The following NR3C1 variants were observed in gnomAD, a reference collection of about 807,000 sequenced individuals.
NR3C1 encodes glucocorticoid receptor.
Under a neutral mutation model 74.0 loss-of-function variants are expected in NR3C1, and 14 were observed. The observed-to-expected ratio is 0.19, with a 90% CI of 0.12 to 0.30. The LOEUF is 0.30. Ranked by LOEUF, NR3C1 falls within the 10% of genes least tolerant of loss-of-function variation. NR3C1 has a pLI of 1.00. For synonymous variants in NR3C1, 308 were observed against 332.5 expected, an observed-to-expected ratio of 0.93 and a Z score of 0.80; for missense variants, 695 against 909.8, an observed-to-expected ratio of 0.76 and a Z score of 3.04.
chr5:143,306,424 C>G (rs1819605228), intron 4 of NR3C1, among the ~76,000 whole-genome samples: 1 of 152,188 alleles, frequency 6.6e-6, no homozygotes, highest in South Asian at 2.1e-4. Context: ...GCCAAAGATT[C>G]CTGGCATACG....
In NR3C1 at chr5:143,403,576, A is replaced by G; in HGVS notation, c.-379T>C. ...GACTCGGGCTCCCGTCACAGACACG[A>G]GCTCGCAAAATGGAGGAGGCGGCGG... On this transcript the variant is annotated 5_prime_UTR_variant, in exon 1 of 9. Coordinates refer to ENST00000394464, the MANE Select transcript of NR3C1 (RefSeq NM_000176.3). The G allele has an allele frequency of 1.0e-6, 1 of 986,062 alleles. No homozygotes were observed. The highest frequency in any genetic ancestry group is 1.2e-6 in the Non-Finnish European group (1 of 830,530). 61.1% of individuals were successfully genotyped at this position (986,062 alleles called of 1,614,324 possible).
chr5:143,417,711 C>A (rs1561812803), intron 1 of NR3C1, among the ~76,000 whole-genome samples: 1 of 152,146 alleles, frequency 6.6e-6, no homozygotes, highest in South Asian at 2.1e-4. Flanking sequence ...AATACACTAA[C>A]TTCCTTCAAA....
rs564373098 is a variant in NR3C1 at position 143,297,723 on chromosome 5, G to A, written c.1892+945C>T. ...ATTGTACTAATAGCAATAAGCTAGG[G>A]GTACGAAAAGTAGTAATACAAGGTA... On this transcript the variant is annotated intron_variant, in intron 6 of 8. Transcript: ENST00000394464. 5.3e-5 allele frequency among the ~76,000 whole-genome samples: 8 copies of A among 152,284 alleles called. No individual in the cohort carries two copies. In the South Asian group the frequency reaches 1.7e-3, roughly 32 times the overall value.
At chr5:143,342,443 C>T (rs1298908119) in intron 2 of NR3C1, among the ~76,000 whole-genome samples, 1 of 152,184 alleles carries the variant, frequency 6.6e-6, no homozygotes, top group Non-Finnish European at 1.5e-5. Flanking sequence ...TCTCAGACCT[C>T]CAGGGGAGGA....
intron 2 of NR3C1, among the ~76,000 whole-genome samples, chr5:143,360,039 G>A (rs1004085727): frequency 1.8e-4 from 27 of 152,324 alleles, no homozygotes; most frequent in African/African-American, 6.3e-4. Context: ...TATAGGAAAT[G>A]CATGTGCAAA....
At chr5:143,324,993 T>A (rs1824249027) in intron 2 of NR3C1, among the ~76,000 whole-genome samples, 1 of 152,220 alleles carries the variant, frequency 6.6e-6, no homozygotes. Flanking sequence ...AGCATGTTGG[T>A]CAAAGCCATT....
At chr5:143,313,721 A>T (rs1375460498) in intron 3 of NR3C1, among the ~76,000 whole-genome samples, 1 of 152,202 alleles carries the variant, frequency 6.6e-6, no homozygotes, top group Non-Finnish European at 1.5e-5. Context: ...CAAACTTAAC[A>T]CCATCATTTC....
At chr5:143,380,004 A>C (rs1386672369) in intron 2 of NR3C1, among the ~76,000 whole-genome samples, 3 of 152,218 alleles carry the variant, frequency 2.0e-5, no homozygotes, top group Non-Finnish European at 2.9e-5. Flanking sequence ...TTCCTATCTT[A>C]TGTAATATCT....
Position 143,378,994 on chromosome 5 carries a change from G to A in NR3C1, c.1184+20662C>T, listed in dbSNP as rs577068018. On this transcript the variant is annotated intron_variant, in intron 2 of 8. Transcript: ENST00000394464. ...TCTAATGTTACACCTCTCAACCCAT[G>A]AATCACAGGGAATCCTACCCCAAGG... Among the ~76,000 whole-genome samples the A allele has an allele frequency of 4.6e-5, 7 of 152,158 alleles. No individual in the cohort carries two copies. The East Asian group carries it at 7.7e-4, about 17-fold the overall frequency.
intron 4 of NR3C1, among the ~76,000 whole-genome samples, chr5:143,305,160 G>T (rs1819307681): frequency 6.6e-6 from 1 of 152,052 alleles, no homozygotes; most frequent in South Asian, 2.1e-4. Context: ...AGTTTATATG[G>T]AACTTAAATT....
At chr5:143,331,323 C>T (rs189655220) in intron 2 of NR3C1, among the ~76,000 whole-genome samples, 117 of 152,326 alleles carry the variant, frequency 7.7e-4, no homozygotes, top group Middle Eastern at 6.8e-3. Context: ...AATGCTTATA[C>T]ACTCCTGGTG....
chr5:143,308,721 C>T (rs1820198620), intron 4 of NR3C1, among the ~76,000 whole-genome samples: 1 of 152,194 alleles, frequency 6.6e-6, no homozygotes, highest in East Asian at 1.9e-4. Flanking sequence ...TGACCTTCCT[C>T]TTGTTCCTGT....
intron 2 of NR3C1, among the ~76,000 whole-genome samples, chr5:143,342,668 G>A (rs1377908511): frequency 3.3e-5 from 5 of 152,122 alleles, no homozygotes; most frequent in Non-Finnish European, 7.4e-5. Context: ...AGGAAGCATC[G>A]AAAAATGATC....
At chr5:143,311,549 A>T (rs1177779306) in intron 3 of NR3C1, among the ~76,000 whole-genome samples, 1 of 152,226 alleles carries the variant, frequency 6.6e-6, no homozygotes, top group Non-Finnish European at 1.5e-5. Flanking sequence ...CCTTATCTAT[A>T]AAATGAGGAG....
upstream of NR3C1, chr5:143,405,002 T>C (rs1841008562): frequency 6.1e-6 from 3 of 489,314 alleles, no homozygotes; most frequent in Non-Finnish European, 8.0e-6. Flanking sequence ...TCCCCCTCAG[T>C]CCAAGGGGAA....
intron 4 of NR3C1, among the ~76,000 whole-genome samples, chr5:143,308,857 G>A (rs930070923): frequency 5.9e-5 from 9 of 152,214 alleles, no homozygotes; most frequent in African/African-American, 2.2e-4. Context: ...CCTTGTTGGT[G>A]CATATTTGTT....
chr5:143,284,880 G>A (rs181717392), intron 7 of NR3C1, among the ~76,000 whole-genome samples: 100 of 152,254 alleles, frequency 6.6e-4, no homozygotes, highest in South Asian at 1.2e-3. Flanking sequence ...AAGGGAAAGG[G>A]AACCCAGGGT....
chr5:143,316,198 T>C (rs1599880331), intron 2 of NR3C1, among the ~76,000 whole-genome samples: 1 of 152,110 alleles, frequency 6.6e-6, no homozygotes, highest in Non-Finnish European at 1.5e-5. Context: ...TCCAGAGAAG[T>C]AGGAAGGTCC....
chr5:143,317,262 A>T (rs1476807268), intron 2 of NR3C1, among the ~76,000 whole-genome samples: 1 of 152,178 alleles, frequency 6.6e-6, no homozygotes, highest in Non-Finnish European at 1.5e-5. Flanking sequence ...AACCATATGG[A>T]ATTGACATCT....
Sources: gnomAD v4.1 joint callset for allele counts (sites outside exome capture counted in the v4.1 genomes callset) on GRCh38, gnomAD v4.1.1 for gene constraint, MANE v1.5 for transcripts, NCBI Gene and HGNC (gene_info 2026-07-23, HGNC 2026-07-21) for gene names.